FBXO40: variants seen among roughly 807,000 people sequenced by gnomAD.
FBXO40 encodes F-box only protein 40.
A neutral mutation model predicts 49.9 loss-of-function variants in FBXO40; 50 were observed. The observed-to-expected ratio is 1.00, with a 90% confidence interval of 0.80 to 1.27. FBXO40 has a LOEUF of 1.27. Ranked by LOEUF, FBXO40 falls within the 50% of genes most tolerant of loss-of-function variation. The pLI, the probability that FBXO40 is intolerant of heterozygous loss-of-function variation, is 0.00. For synonymous variants in FBXO40, 340 were observed against 320.2 expected (o/e 1.06, Z -0.66); for missense variants, 895 against 870.1 (o/e 1.03, Z -0.36).
At chr3:121,623,482 T>C in intron 3 of FBXO40, 139 bp downstream of exon 3, 1 of 685,216 alleles carries the variant, frequency 1.5e-6, no homozygotes, top group South Asian at 1.9e-5. Context: ...CAAGTGATCC[T>C]CTTGCCTCAG....
chr3:121,617,883 C>T (rs1450585645), intron 1 of FBXO40, among the ~76,000 whole-genome samples: 1 of 151,956 alleles, frequency 6.6e-6, no homozygotes, highest in Non-Finnish European at 1.5e-5. Context: ...GATTGTAATC[C>T]CAGCTACTTG....
chr3:121,622,784 C>G lies in FBXO40; in HGVS notation c.1355C>G (p.Pro452Arg). 1.2e-6 allele frequency: 2 copies of G among 1,614,162 alleles called. No individual in the cohort carries two copies. Among genetic ancestry groups the G allele is most frequent in the Middle Eastern group, 3.3e-4 (2 of 6,062 alleles). ...TVLADLTAAT[P>R]GGLHVELHSE... The stretch of plus-strand genomic sequence containing the variant: ...CTGGCTGACCTAACCGCTGCCACCC[C>G]AGGGGGACTCCACGTGGAGCTCCAC... The change falls in exon 3 of 4, where the codon CCA (proline) becomes CGA (arginine). Residue 452 changes from proline to arginine, a missense_variant. Physicochemically the swap from Pro to Arg is moderately radical, Grantham distance 103 (BLOSUM62 -2). Transcript: ENST00000338040.
At chr3:121,599,674 G>GCACACACACACA (rs757324448) in intron 1 of FBXO40, among the ~76,000 whole-genome samples, 1 of 99,566 alleles carries the variant, frequency 1.0e-5, no homozygotes, top group African/African-American at 4.0e-5. Flanking sequence ...ACACACACAT[G>GCACACACACACA]CACACACACA....
chr3:121,621,827 A>C lies in FBXO40; in HGVS notation c.398A>C (p.Asp133Ala), dbSNP rs1403611206. 1 of 1,614,080 alleles carries C rather than the reference A, an allele frequency of 6.2e-7. No homozygotes were observed. The highest frequency in any genetic ancestry group is 8.5e-7 in the Non-Finnish European group (1 of 1,180,046). The stretch of plus-strand genomic sequence containing the variant: ...TTGGACACAGCCCTGGCCCTGCAGG[A>C]TCAGAAGGTCCTCTTCAGATCCTTG... ...ECLDTALALQ[D>A]QKVLFRSLKM... Residue 133 changes from aspartate to alanine, a missense_variant, in exon 3 of 4, where the codon GAT becomes GCT. By Grantham distance (126) the Asp-to-Ala change is moderately radical. Transcript: ENST00000338040.
At chr3:121,594,697 A>G (rs1470410627) in intron 1 of FBXO40, among the ~76,000 whole-genome samples, 1 of 152,102 alleles carries the variant, frequency 6.6e-6, no homozygotes, top group African/African-American at 2.4e-5. Context: ...CGCCAACAAT[A>G]TTCTCTAAGT....
chr3:121,621,872 C>A lies in FBXO40; in HGVS notation c.443C>A (p.Pro148Gln). The change falls in exon 3 of 4, where the codon CCA becomes CAA. Residue 148 changes from proline to glutamine, a missense_variant. Coordinates refer to ENST00000338040, the MANE Select transcript of FBXO40 (RefSeq NM_016298.4). ...FRSLKMVELF[P>Q]ETREATEEEP... The stretch of plus-strand genomic sequence containing the variant: ...TCCTTGAAAATGGTGGAACTTTTCC[C>A]AGAAACTAGAGAGGCTACTGAGGAG... The A allele has an allele frequency of 1.2e-6, 2 of 1,614,124 alleles. No individual in the cohort carries two copies. The highest frequency in any genetic ancestry group is 1.7e-6 in the Non-Finnish European group (2 of 1,180,032).
intron 3 of FBXO40, among the ~76,000 whole-genome samples, chr3:121,624,578 A>C (rs2049051817): frequency 6.6e-6 from 1 of 152,152 alleles, no homozygotes; most frequent in African/African-American, 2.4e-5. Flanking sequence ...GCTAACGTAA[A>C]TGGAGCGTGT....
intron 1 of FBXO40, among the ~76,000 whole-genome samples, chr3:121,610,354 A>G (rs2048957941): frequency 6.6e-6 from 1 of 152,208 alleles, no homozygotes; most frequent in South Asian, 2.1e-4. Context: ...ATGGAAGTCC[A>G]GGGGCCTAAG....
chr3:121,606,984 G>T (rs1009862403), intron 1 of FBXO40, among the ~76,000 whole-genome samples: 4 of 152,148 alleles, frequency 2.6e-5, no homozygotes, highest in African/African-American at 4.8e-5. Context: ...TTTTAGATAG[G>T]CTTGGTGTGG....
rs1576455846 is a variant in FBXO40 at position 121,622,191 on chromosome 3, C to G, written c.762C>G (p.Gly254=). ...NDSEKEQISS[G]HNMVEGEGAP... ...CCGAGAAAGAACAGATTTCCAGTGGCCATAACATGGTAGAAGGAGAGGGCG... is the reference window on the plus strand; with the variant it reads ...CCGAGAAAGAACAGATTTCCAGTGGGCATAACATGGTAGAAGGAGAGGGCG... Residue 254 remains glycine, a synonymous_variant, in exon 3 of 4, where the codon GGC becomes GGG. Transcript: ENST00000338040. The G allele has an allele frequency of 6.2e-7, 1 of 1,613,908 alleles. No homozygotes were observed.
chr3:121,619,328 CT>C (rs1211535503), intron 1 of FBXO40, among the ~76,000 whole-genome samples: 1 of 152,022 alleles, frequency 6.6e-6, no homozygotes, highest in African/African-American at 2.4e-5. Flanking sequence ...ACTTATGGAT[CT>C]TCTGACATTT....
chr3:121,613,319 C>T (rs1296327924), intron 1 of FBXO40, among the ~76,000 whole-genome samples: 1 of 152,094 alleles, frequency 6.6e-6, no homozygotes, highest in East Asian at 1.9e-4. Flanking sequence ...CAGTAGGGTC[C>T]CCTTGTTCAT....
chr3:121,621,381 G>A, intron 2 of FBXO40, 52 bp from the exon 3 acceptor site: 1 of 1,499,540 alleles, frequency 6.7e-7, no homozygotes, highest in South Asian at 1.2e-5. Context: ...CATGCATAGA[G>A]CTTCTCCTCA....
Position 121,627,063 on chromosome 3 carries a change from C to A in FBXO40, c.*153C>A, listed in dbSNP as rs2049065761. On this transcript the variant is annotated 3_prime_UTR_variant, in exon 4 of 4. Transcript: ENST00000338040. ...CACGCAATGTCCTTCGAAACCTCAA[C>A]ACGAGGCCTAAGAATTTCCTAAGCC... 1 of 651,080 alleles carries A rather than the reference C, an allele frequency of 1.5e-6. No individual in the cohort carries two copies. The highest frequency in any genetic ancestry group is 2.7e-6 in the Non-Finnish European group (1 of 375,836). The allele number at this position is 651,080 out of a possible 1,614,324, so 40.3% of individuals were successfully genotyped here.
At chr3:121,596,963 T>G (rs1296898905) in intron 1 of FBXO40, among the ~76,000 whole-genome samples, 1 of 152,170 alleles carries the variant, frequency 6.6e-6, no homozygotes, top group Non-Finnish European at 1.5e-5. Flanking sequence ...TCACTCTCAG[T>G]CCCTAGAAGC....
rs1031631099 is a variant in FBXO40 at position 121,622,304 on chromosome 3, A to G, written c.875A>G (p.Asp292Gly). The change falls in exon 3 of 4, where the codon GAT becomes GGT. Residue 292 changes from aspartate to glycine, a missense_variant. Asp to Gly is a moderately conservative substitution (Grantham distance 94, BLOSUM62 -1). Coordinates refer to ENST00000338040, the MANE Select transcript of FBXO40 (RefSeq NM_016298.4). Reference protein sequence around the residue: ...METTGLAPWQDGVLERLKTAV... With the variant: ...METTGLAPWQGGVLERLKTAV... Reference sequence around the variant, plus strand: ...ACCACAGGGCTTGCCCCTTGGCAGGATGGTGTTCTGGAAAGACTGAAAACA... The same window carrying G: ...ACCACAGGGCTTGCCCCTTGGCAGGGTGGTGTTCTGGAAAGACTGAAAACA... 1.9e-6 allele frequency: 3 copies of G among 1,614,126 alleles called. No homozygotes were observed. In the African/African-American group the frequency reaches 4.0e-5, roughly 22 times the overall value.
Position 121,627,915 on chromosome 3 carries a change from C to T in FBXO40, c.*1005C>T. On this transcript the variant is annotated 3_prime_UTR_variant, in exon 4 of 4. Coordinates refer to ENST00000338040, the MANE Select transcript of FBXO40 (RefSeq NM_016298.4). ...GCGCCAGTCACCAGCTCCTAGACAG[C>T]ACTTGGGTACCCCATTGGGGTCTTG... is the stretch of plus-strand genomic sequence containing the variant. 2.5e-6 allele frequency: 1 copy of T among 398,704 alleles called. No individual in the cohort carries two copies. Among genetic ancestry groups the T allele is most frequent in the East Asian group, 3.6e-5 (1 of 28,072 alleles). 24.7% of individuals were successfully genotyped at this position (398,704 alleles called of 1,614,324 possible). A position where few individuals can be genotyped will look rare whatever the true frequency, so the allele number is the denominator to read the frequency against.
In FBXO40 at chr3:121,627,616, A is replaced by G. The variant is rs2049069706; in HGVS notation, c.*706A>G. On this transcript the variant is annotated 3_prime_UTR_variant, in exon 4 of 4. Transcript: ENST00000338040. ...AAAGCCTTGATAAATCGGGAGTCCA[A>G]AGGAGACACCATATTTATGGAGAAC... The G allele has an allele frequency of 2.6e-6, 1 of 380,092 alleles. No homozygotes were observed. The highest frequency in any genetic ancestry group is 4.7e-6 in the Non-Finnish European group (1 of 214,954). The allele number at this position is 380,092 out of a possible 1,614,324, so 23.5% of individuals were successfully genotyped here.
chr3:121,620,474 C>T, intron 1 of FBXO40, 72 bp from the exon 2 acceptor site: 1 of 1,380,184 alleles, frequency 7.2e-7, no homozygotes, highest in Non-Finnish European at 1.0e-6. Context: ...TGTGAAGTCT[C>T]TTTAGCCTCT....
Sources: gnomAD v4.1 joint callset for allele counts (sites outside exome capture counted in the v4.1 genomes callset) on GRCh38, gnomAD v4.1.1 for gene constraint, MANE v1.5 for transcripts, NCBI Gene and HGNC (gene_info 2026-07-23, HGNC 2026-07-21) for gene names.